Variants in DGKB observed in about 807,000 individuals in gnomAD.
DGKB encodes 90 kDa diacylglycerol kinase.
A neutral mutation model predicts 114.3 loss-of-function variants in DGKB; 67 were observed. The ratio of observed to expected loss-of-function variants is 0.59; its 90% CI spans 0.48 to 0.72. The LOEUF (loss-of-function observed/expected upper bound fraction) is 0.72. Ranked by LOEUF, DGKB falls within the 30% of genes least tolerant of loss-of-function variation. DGKB has a pLI of 0.00. For missense variants in DGKB, 907 were observed against 975.2 expected (o/e 0.93, Z 0.93); for synonymous variants, 398 against 323.1 (o/e 1.23, Z -2.49).
Position 14,962,988 on chromosome 7 carries a change from T to C in DGKB, c.-188+11708A>G, listed in dbSNP as rs527678126. On this transcript the variant is annotated intron_variant, in intron 1 of 4. Coordinates refer to the DGKB transcript ENST00000437998. ...CTTGCTCAGTTGAGCACTTTCATTT[T>C]CTCTCTTCCGTTCTCATATTTGTTT... Among the ~76,000 whole-genome samples, 189 of 152,184 alleles carry C rather than the reference T, an allele frequency of 1.2e-3. 2 individuals carry two copies. Among genetic ancestry groups the C allele is most frequent in the African/African-American group, 4.4e-3 (184 of 41,558 alleles).
Position 14,945,643 on chromosome 7 carries a change from A to G in DGKB, c.-188+29053T>C, listed in dbSNP as rs369875252. ...TGCACATATCAGAAGCAACTATATC[A>G]GAACACATGCCACTAAACAGAGGCA... On this transcript the variant is annotated intron_variant, in intron 1 of 4. Transcript: ENST00000437998. Among the ~76,000 whole-genome samples the G allele has an allele frequency of 1.6e-4, 24 of 151,904 alleles. No individual in the cohort carries two copies. In the South Asian group the frequency reaches 4.4e-3, roughly 28 times the overall value.
chr7:14,527,914 G>A (rs1397293938), intron 20 of DGKB, among the ~76,000 whole-genome samples: 3 of 152,096 alleles, frequency 2.0e-5, no homozygotes, highest in South Asian at 4.1e-4. Flanking sequence ...TGGAGGTGCC[G>A]AGTACTGGCA....
chr7:14,953,480 C>T (rs990387148), intron 1 of DGKB, among the ~76,000 whole-genome samples: 4 of 151,946 alleles, frequency 2.6e-5, no homozygotes, highest in Non-Finnish European at 5.9e-5. Context: ...CAGGAAAATG[C>T]AAATCAAATC....
chr7:14,435,648 T>G (rs1231119049), intron 21 of DGKB, among the ~76,000 whole-genome samples: 8 of 152,136 alleles, frequency 5.3e-5, no homozygotes, highest in Non-Finnish European at 1.2e-4. Context: ...TGCCATGTTA[T>G]CTTTGATGGC....
At chr7:14,632,165 A>C (rs1809847635) in intron 13 of DGKB, among the ~76,000 whole-genome samples, 1 of 152,036 alleles carries the variant, frequency 6.6e-6, no homozygotes, top group Non-Finnish European at 1.5e-5. Context: ...ATGCCCAAAA[A>C]GTAAATAAAT....
intron 23 of DGKB, among the ~76,000 whole-genome samples, chr7:14,252,699 A>G (rs899704367): frequency 7.2e-5 from 11 of 152,106 alleles, no homozygotes; most frequent in African/African-American, 2.4e-4. Flanking sequence ...TGCCTCTGGA[A>G]TGGGCTTAGA....
chr7:14,639,924 C>T (rs1811428139), intron 13 of DGKB, among the ~76,000 whole-genome samples: 1 of 152,142 alleles, frequency 6.6e-6, no homozygotes, highest in African/African-American at 2.4e-5. Flanking sequence ...AGAAGTTACA[C>T]TAAAGTGGGT....
At chr7:14,662,193 C>T (rs1026104458) in intron 13 of DGKB, among the ~76,000 whole-genome samples, 1 of 139,174 alleles carries the variant, frequency 7.2e-6, no homozygotes, top group Non-Finnish European at 1.5e-5. Flanking sequence ...TACCCTAAAA[C>T]TTAAAGTATA....
At chr7:14,689,409 G>C (rs1276140073) in intron 9 of DGKB, among the ~76,000 whole-genome samples, 11 of 151,676 alleles carry the variant, frequency 7.3e-5, no homozygotes, top group African/African-American at 2.7e-4. Context: ...CTGACCTCGT[G>C]ATCCGCCCGC....
chr7:14,477,113 C>T (rs1302879106), intron 21 of DGKB, among the ~76,000 whole-genome samples: 1 of 152,050 alleles, frequency 6.6e-6, no homozygotes, highest in African/African-American at 2.4e-5. Context: ...GAAACATTTG[C>T]TGTGATGATT....
chr7:14,686,621 TTAA>T (rs1395020187), intron 9 of DGKB, among the ~76,000 whole-genome samples: 3 of 152,166 alleles, frequency 2.0e-5, no homozygotes, highest in Non-Finnish European at 4.4e-5. Context: ...TAATAAAATA[TTAA>T]TAATAATGCT....
At chr7:14,413,234 G>C (rs769724022) in intron 21 of DGKB, among the ~76,000 whole-genome samples, 1 of 152,018 alleles carries the variant, frequency 6.6e-6, no homozygotes, top group Non-Finnish European at 1.5e-5. Flanking sequence ...CAGCATCCCA[G>C]ATGGGGCCAG....
At chr7:14,964,363 G>T (rs1258163813) in intron 1 of DGKB, among the ~76,000 whole-genome samples, 6 of 152,040 alleles carry the variant, frequency 3.9e-5, no homozygotes, top group African/African-American at 1.4e-4. Flanking sequence ...AAATTAGCTG[G>T]GTAGATTGCA....
chr7:14,922,557 T>G (rs1243473794), intron 1 of DGKB, among the ~76,000 whole-genome samples: 2 of 152,008 alleles, frequency 1.3e-5, no homozygotes, highest in African/African-American at 4.8e-5. Flanking sequence ...ACAAAAATGA[T>G]ATAGAATAAC....
intron 23 of DGKB, among the ~76,000 whole-genome samples, chr7:14,207,639 T>C (rs1046944785): frequency 2.0e-5 from 3 of 152,090 alleles, no homozygotes; most frequent in African/African-American, 7.2e-5. Context: ...AGTAAACATG[T>C]TCCTTTTCTC....
chr7:14,224,892 C>A (rs540227354), intron 23 of DGKB, among the ~76,000 whole-genome samples: 1 of 152,108 alleles, frequency 6.6e-6, no homozygotes, highest in Admixed American at 6.6e-5. Flanking sequence ...TGCCCTGGTG[C>A]ATAGATTGCT....
At chr7:14,904,284 G>C (rs560504517), upstream of DGKB, among the ~76,000 whole-genome samples, 2 of 151,944 alleles carry the variant, frequency 1.3e-5, no homozygotes, top group Non-Finnish European at 1.5e-5. Flanking sequence ...GCCTCCAGTT[G>C]TCTGAGCTAA....
intron 14 of DGKB, among the ~76,000 whole-genome samples, chr7:14,627,085 T>G (rs1808726699): frequency 6.6e-6 from 1 of 152,176 alleles, no homozygotes; most frequent in Non-Finnish European, 1.5e-5. Flanking sequence ...GATTTTAAAG[T>G]ATAGATAAAA....
chr7:14,424,342 T>A (rs1827181675), intron 21 of DGKB, among the ~76,000 whole-genome samples: 1 of 152,116 alleles, frequency 6.6e-6, no homozygotes, highest in Non-Finnish European at 1.5e-5. Context: ...GCTTCGTGAC[T>A]ATTTTCCTCC....
Sources: gnomAD v4.1 joint callset for allele counts (sites outside exome capture counted in the v4.1 genomes callset) on GRCh38, gnomAD v4.1.1 for gene constraint, MANE v1.5 for transcripts, NCBI Gene and HGNC (gene_info 2026-07-23, HGNC 2026-07-21) for gene names.